ATRNL1: variants seen among roughly 807,000 people sequenced by gnomAD.
The protein encoded by ATRNL1 is attractin-like protein 1.
In ATRNL1, 95 loss-of-function variants were observed where a neutral mutation model predicts 182.7. That is an observed-to-expected ratio of 0.52 (90% CI 0.44 to 0.62). The LOEUF is 0.62. Ranked by LOEUF, ATRNL1 falls within the 20% of genes least tolerant of loss-of-function variation. The pLI, the probability that ATRNL1 is intolerant of heterozygous loss-of-function variation, is 0.00. For synonymous variants in ATRNL1, 576 were observed against 568.3 expected, an observed-to-expected ratio of 1.01 and a Z score of -0.19; for missense variants, 1,471 against 1,679.5, an observed-to-expected ratio of 0.88 and a Z score of 2.17.
intron 1 of ATRNL1, chr10:115,096,558 C>A: frequency 2.8e-6 from 2 of 714,148 alleles, no homozygotes; most frequent in Non-Finnish European, 2.1e-6. Context: ...TACAAACAGA[C>A]ATTAAAAATG....
intron 24 of ATRNL1, among the ~76,000 whole-genome samples, chr10:115,495,865 G>A (rs10885727): frequency 1.3e-5 from 2 of 151,492 alleles, no homozygotes; most frequent in African/African-American, 4.8e-5. Flanking sequence ...GTTCAGGTTC[G>A]GAATATTTTT....
At chr10:115,853,734 T>C (rs1290800400) in intron 28 of ATRNL1, among the ~76,000 whole-genome samples, 1 of 152,180 alleles carries the variant, frequency 6.6e-6, no homozygotes. Context: ...AATACAAATA[T>C]TGTTTATAGG....
At chr10:115,151,945 T>C (rs1846253466) in intron 5 of ATRNL1, among the ~76,000 whole-genome samples, 1 of 152,224 alleles carries the variant, frequency 6.6e-6, no homozygotes, top group Non-Finnish European at 1.5e-5. Flanking sequence ...TAGCCAGTTT[T>C]CCCAGAACCA....
chr10:115,159,824 A>G (rs1187727522), intron 5 of ATRNL1, among the ~76,000 whole-genome samples: 5 of 151,762 alleles, frequency 3.3e-5, no homozygotes, highest in African/African-American at 9.7e-5. Context: ...TTATTTGAAC[A>G]TCCAAGTCCG....
At chr10:115,461,205 A>G (rs1037944988) in intron 21 of ATRNL1, among the ~76,000 whole-genome samples, 2 of 152,122 alleles carry the variant, frequency 1.3e-5, no homozygotes, top group African/African-American at 2.4e-5. Context: ...AAATAATTGG[A>G]AATAATTTTT....
At chr10:115,427,266 A>G (rs1191978678) in intron 21 of ATRNL1, among the ~76,000 whole-genome samples, 2 of 152,094 alleles carry the variant, frequency 1.3e-5, no homozygotes, top group East Asian at 3.8e-4. Context: ...CCATCTGTAT[A>G]TTTTATTCGA....
intron 28 of ATRNL1, among the ~76,000 whole-genome samples, chr10:115,865,910 C>A (rs1490356920): frequency 6.6e-6 from 1 of 152,030 alleles, no homozygotes; most frequent in Non-Finnish European, 1.5e-5. Flanking sequence ...ACAAAATGTT[C>A]ATGTTTATTT....
intron 19 of ATRNL1, among the ~76,000 whole-genome samples, chr10:115,374,481 C>A (rs1277109230): frequency 1.4e-5 from 2 of 146,400 alleles, no homozygotes; most frequent in African/African-American, 2.5e-5. Context: ...TCCTTCCTTC[C>A]TTCCTTCTTT....
intron 21 of ATRNL1, among the ~76,000 whole-genome samples, chr10:115,439,837 G>A (rs547179584): frequency 7.4e-4 from 112 of 151,938 alleles, no homozygotes; most frequent in African/African-American, 2.6e-3. Flanking sequence ...ATGAGGACAG[G>A]CTTTGGAAGC....
chr10:115,436,672 A>C (rs1369914449), intron 21 of ATRNL1, among the ~76,000 whole-genome samples: 1 of 152,132 alleles, frequency 6.6e-6, no homozygotes, highest in Admixed American at 6.6e-5. Context: ...TAATTTCAGT[A>C]TTCCCAAGGG....
intron 25 of ATRNL1, among the ~76,000 whole-genome samples, chr10:115,530,680 AG>A (rs1851517774): frequency 6.6e-6 from 1 of 151,954 alleles, no homozygotes; most frequent in Non-Finnish European, 1.5e-5. Context: ...CACAATGTGC[AG>A]GTTAGTTACA....
intron 5 of ATRNL1, among the ~76,000 whole-genome samples, chr10:115,135,008 A>G (rs1438146274): frequency 2.0e-5 from 3 of 151,970 alleles, no homozygotes; most frequent in Non-Finnish European, 4.4e-5. Flanking sequence ...AAAACTCTCA[A>G]TAAATTCGGT....
Position 115,815,927 on chromosome 10 carries a change from A to G in ATRNL1, c.3904-31950A>G, listed in dbSNP as rs113494981. Among the ~76,000 whole-genome samples the G allele has an allele frequency of 6.8e-3, 1,030 of 152,296 alleles. 13 individuals are homozygous for G. The highest frequency in any genetic ancestry group is 0.023 in the African/African-American group (967 of 41,570). The stretch of plus-strand genomic sequence containing the variant: ...GTAAGAGGAGAATAAGTAGGAAACC[A>G]GGCTGATTTCATAAACCTTCAGTAT... On this transcript the variant is annotated intron_variant, in intron 27 of 28. Transcript: ENST00000355044.
In ATRNL1 at chr10:115,906,157, G is replaced by A. The variant is rs1405514064; in HGVS notation, c.4019-38501G>A. On this transcript the variant is annotated intron_variant, in intron 28 of 28. Transcript: ENST00000355044. ...ACTTTACAACAAGTAAATATTTACT[G>A]TTATGACTGTGTTTTAAAAATTATA... is the stretch of plus-strand genomic sequence containing the variant. Among the ~76,000 whole-genome samples, 3 of 152,024 alleles carry A rather than the reference G, an allele frequency of 2.0e-5. No individual in the cohort carries two copies. The East Asian group carries it at 5.8e-4, about 29-fold the overall frequency.
chr10:115,573,240 G>A (rs1322935625), intron 26 of ATRNL1, among the ~76,000 whole-genome samples: 1 of 152,090 alleles, frequency 6.6e-6, no homozygotes, highest in African/African-American at 2.4e-5. Flanking sequence ...GGAGTGGGAA[G>A]GTGATCTTCG....
rs536145569 is a variant in ATRNL1, at chr10:115,476,013, C to T, written c.3654+6684C>T. Reference sequence around the variant, plus strand: ...ATCTTTCTATGTTGAGAGTTTAAATCGTTGATTTTAGAACTTTTCTTTTTT... The same window carrying T: ...ATCTTTCTATGTTGAGAGTTTAAATTGTTGATTTTAGAACTTTTCTTTTTT... On this transcript the variant is annotated intron_variant, in intron 24 of 28. Transcript: ENST00000355044. Among the ~76,000 whole-genome samples, 6 of 151,130 alleles carry T rather than the reference C, an allele frequency of 4.0e-5. No homozygotes were observed. The East Asian group carries it at 5.8e-4, about 15-fold the overall frequency.
chr10:115,654,921 A>C (rs1271874565), intron 26 of ATRNL1, among the ~76,000 whole-genome samples: 1 of 152,130 alleles, frequency 6.6e-6, no homozygotes, highest in Non-Finnish European at 1.5e-5. Context: ...GACAATTTCC[A>C]CTTCTTGTCT....
chr10:115,902,056 C>T (rs1952370768), intron 28 of ATRNL1, among the ~76,000 whole-genome samples: 1 of 152,130 alleles, frequency 6.6e-6, no homozygotes, highest in Admixed American at 6.5e-5. Context: ...TAACTTAGCT[C>T]GTTATAATCA....
intron 1 of ATRNL1, among the ~76,000 whole-genome samples, chr10:115,099,479 G>GAT (rs1159867580): frequency 6.6e-6 from 1 of 152,156 alleles, no homozygotes; most frequent in Admixed American, 6.5e-5. Context: ...CATATGGGTA[G>GAT]ATATATGTGT....
Sources: gnomAD v4.1 joint callset for allele counts (sites outside exome capture counted in the v4.1 genomes callset) on GRCh38, gnomAD v4.1.1 for gene constraint, MANE v1.5 for transcripts, NCBI Gene and HGNC (gene_info 2026-07-23, HGNC 2026-07-21) for gene names.